Variants in VTI1A observed in about 807,000 individuals in gnomAD.
The protein encoded by VTI1A is vesicle transport through interaction with t-SNAREs homolog 1A.
Under a neutral mutation model 34.9 loss-of-function variants are expected in VTI1A, and 22 were observed. The ratio of observed to expected loss-of-function variants is 0.63; its 90% CI spans 0.45 to 0.90. VTI1A has a LOEUF of 0.90. Ranked by LOEUF, VTI1A falls within the 40% of genes least tolerant of loss-of-function variation. The pLI is 0.00. For missense variants in VTI1A, 268 were observed against 275.6 expected (o/e 0.97, Z 0.20); for synonymous variants, 87 against 97.3 (o/e 0.89, Z 0.62).
At chr10:112,601,970 CAT>C (rs1388773673) in intron 5 of VTI1A, among the ~76,000 whole-genome samples, 3 of 152,066 alleles carry the variant, frequency 2.0e-5, no homozygotes, top group South Asian at 2.1e-4. Context: ...CTGAAGAAAA[CAT>C]GTGGCTGGAG....
chr10:112,753,191 A>G (rs1245086286), intron 7 of VTI1A, among the ~76,000 whole-genome samples: 3 of 152,018 alleles, frequency 2.0e-5, no homozygotes, highest in East Asian at 3.8e-4. Flanking sequence ...ATTAGACTCA[A>G]CAACTTATTT....
chr10:112,739,479 A>G (rs1564906917), intron 7 of VTI1A, among the ~76,000 whole-genome samples: 1 of 152,216 alleles, frequency 6.6e-6, no homozygotes, highest in Non-Finnish European at 1.5e-5. Context: ...AGATTCTTCA[A>G]TGCCACAGCT....
chr10:112,762,671 G>A (rs544364277), intron 7 of VTI1A, among the ~76,000 whole-genome samples: 22 of 152,248 alleles, frequency 1.4e-4, no homozygotes, highest in Non-Finnish European at 2.4e-4. Context: ...AGTCATTAGC[G>A]TCAGTATTCC....
intron 5 of VTI1A, among the ~76,000 whole-genome samples, chr10:112,625,935 C>G (rs1440796998): frequency 2.6e-5 from 4 of 152,120 alleles, no homozygotes; most frequent in African/African-American, 4.8e-5. Context: ...TAATAAGTCA[C>G]GTAAAGCACT....
the VTI1A span, among the ~76,000 whole-genome samples, chr10:112,833,300 A>G: frequency 6.6e-6 from 1 of 151,224 alleles, no homozygotes; most frequent in Non-Finnish European, 1.5e-5. Context: ...TCACCTGCAT[A>G]CCTCTTCCCC....
chr10:112,797,704 G>T (rs62657161), intron 7 of VTI1A, among the ~76,000 whole-genome samples: 43 of 16,252 alleles, frequency 2.6e-3, no homozygotes, highest in Middle Eastern at 0.1. Flanking sequence ...AGGATTTTTT[G>T]TTTGTTTGTT....
chr10:112,795,299 T>C (rs1272523068), intron 7 of VTI1A, among the ~76,000 whole-genome samples: 1 of 152,192 alleles, frequency 6.6e-6, no homozygotes, highest in Non-Finnish European at 1.5e-5. Flanking sequence ...ATTGACACCT[T>C]TGCCATAGAT....
At chr10:112,560,208 C>T (rs1484917845) in intron 5 of VTI1A, among the ~76,000 whole-genome samples, 1 of 152,090 alleles carries the variant, frequency 6.6e-6, no homozygotes, top group Non-Finnish European at 1.5e-5. Context: ...GTTTTTATTA[C>T]TGGATTATCT....
the VTI1A span, among the ~76,000 whole-genome samples, chr10:112,828,302 C>T: frequency 2.6e-5 from 4 of 152,100 alleles, no homozygotes; most frequent in African/African-American, 9.7e-5. Context: ...GCTCCAGTGG[C>T]ACAGTCAGTT....
chr10:112,506,632 A>G (rs998017074), intron 3 of VTI1A, among the ~76,000 whole-genome samples: 2 of 152,194 alleles, frequency 1.3e-5, no homozygotes, highest in African/African-American at 4.8e-5. Context: ...TACATATGCT[A>G]TGAGATTCGT....
rs925276518 is a variant in VTI1A, at chr10:112,737,702, TG to T, written c.560+68705del. On this transcript the variant is annotated intron_variant, in intron 7 of 7. Coordinates refer to ENST00000393077, the MANE Select transcript of VTI1A (RefSeq NM_145206.4). Reference sequence around the variant, plus strand: ...ATGTGCGGATGACTGTCAAGGTCACTGAGACCTACAGTGATCTGGAAAATTA... The same window carrying T: ...ATGTGCGGATGACTGTCAAGGTCACTAGACCTACAGTGATCTGGAAAATTA... 6 of 1,057,488 alleles carry T rather than the reference TG, an allele frequency of 5.7e-6. No homozygotes were observed. In the Admixed American group the frequency reaches 2.2e-4, roughly 38 times the overall value. The allele number at this position is 1,057,488 out of a possible 1,614,324, so 65.5% of individuals were successfully genotyped here.
intron 7 of VTI1A, chr10:112,752,278 G>C: frequency 2.6e-6 from 2 of 776,740 alleles, no homozygotes; most frequent in Non-Finnish European, 3.1e-6. Context: ...ATCCAGCCTG[G>C]CTCCAGCCAG....
intron 5 of VTI1A, among the ~76,000 whole-genome samples, chr10:112,550,625 A>G (rs1851314060): frequency 6.6e-6 from 1 of 152,136 alleles, no homozygotes. Context: ...TTATTGAAGA[A>G]TATGTTTTTC....
At chr10:112,836,419 G>T in the VTI1A span, among the ~76,000 whole-genome samples, 1 of 152,158 alleles carries the variant, frequency 6.6e-6, no homozygotes, top group Non-Finnish European at 1.5e-5. Context: ...CAAGCTACTT[G>T]CAGAGCCAAG....
At chr10:112,497,744 A>AT (rs1365460775) in intron 3 of VTI1A, among the ~76,000 whole-genome samples, 1 of 152,176 alleles carries the variant, frequency 6.6e-6, no homozygotes, top group African/African-American at 2.4e-5. Context: ...TACTCAGTGT[A>AT]TTGAGTGACA....
At chr10:112,609,074 G>A (rs748636659) in intron 5 of VTI1A, among the ~76,000 whole-genome samples, 1 of 152,096 alleles carries the variant, frequency 6.6e-6, no homozygotes, top group Non-Finnish European at 1.5e-5. Flanking sequence ...TGGTTTTTTG[G>A]TGGGATATAT....
intron 4 of VTI1A, 101 bp from the exon 5 acceptor site, chr10:112,538,145 C>G: frequency 1.1e-6 from 1 of 938,610 alleles, no homozygotes; most frequent in South Asian, 1.5e-5. Flanking sequence ...CGAACCCCCC[C>G]ACCCCATGTT....
chr10:112,611,965 TCTC>T (rs1482965523), intron 5 of VTI1A, among the ~76,000 whole-genome samples: 1 of 151,924 alleles, frequency 6.6e-6, no homozygotes, highest in Non-Finnish European at 1.5e-5. Flanking sequence ...ATGGTCTTGA[TCTC>T]CTGACCTCGT....
At chr10:112,579,109 A>C (rs1047381431) in intron 5 of VTI1A, among the ~76,000 whole-genome samples, 13 of 152,260 alleles carry the variant, frequency 8.5e-5, no homozygotes, top group Admixed American at 2.6e-4. Flanking sequence ...CCAGAGACAC[A>C]CTTAAGAGAT....
Sources: allele counts gnomAD v4.1 joint callset (sites outside exome capture counted in the v4.1 genomes callset), GRCh38; gene constraint gnomAD v4.1.1; transcripts MANE v1.5; gene names NCBI Gene and HGNC (gene_info 2026-07-23, HGNC 2026-07-21).